OSBPL2: variants seen among roughly 807,000 people sequenced by gnomAD.
OSBPL2 encodes oxysterol binding protein like 2.
OSBPL2 carries 18 observed loss-of-function variants against 58.4 expected under a neutral mutation model. The ratio of observed to expected loss-of-function variants is 0.31; its 90% confidence interval spans 0.21 to 0.46. The LOEUF (loss-of-function observed/expected upper bound fraction) is 0.46. Among genes scored for constraint, OSBPL2 ranks in the 20% least tolerant of loss-of-function variants. The pLI is 1.00. For missense variants in OSBPL2, 461 were observed against 616.5 expected (o/e 0.75, Z 2.67); for synonymous variants, 221 against 234.1 (o/e 0.94, Z 0.51).
intron 1 of OSBPL2, among the ~76,000 whole-genome samples, chr20:62,251,610 G>A (rs976416723): frequency 6.6e-6 from 1 of 151,540 alleles, no homozygotes; most frequent in African/African-American, 2.4e-5. Context: ...GTTTTTCCAT[G>A]TTGGTCAGGC....
chr20:62,270,117 C>T (rs758621308), intron 4 of OSBPL2, among the ~76,000 whole-genome samples: 5 of 152,218 alleles, frequency 3.3e-5, no homozygotes, highest in South Asian at 2.1e-4. Context: ...GTGCACACCC[C>T]GCCCACCCTC....
intron 4 of OSBPL2, among the ~76,000 whole-genome samples, chr20:62,266,344 G>T (rs1981655017): frequency 6.6e-6 from 1 of 152,196 alleles, no homozygotes; most frequent in African/African-American, 2.4e-5. Context: ...TGGAGGCTTT[G>T]GTGGCACTCC....
At chr20:62,275,744 A>G (rs1168683480) in intron 6 of OSBPL2, among the ~76,000 whole-genome samples, 1 of 151,886 alleles carries the variant, frequency 6.6e-6, no homozygotes, top group East Asian at 1.9e-4. Flanking sequence ...CTCTGTGCCC[A>G]GTCCAAGTCA....
intron 6 of OSBPL2, among the ~76,000 whole-genome samples, chr20:62,276,522 C>T (rs948260610): frequency 3.9e-5 from 6 of 152,344 alleles, no homozygotes; most frequent in Non-Finnish European, 5.9e-5. Flanking sequence ...ACATGCTGCC[C>T]GTGCGTGAAT....
At chr20:62,283,944 A>C in intron 9 of OSBPL2, 102 bp from the exon 10 acceptor site, 1 of 1,225,820 alleles carries the variant, frequency 8.2e-7, no homozygotes, top group Non-Finnish European at 1.2e-6. Flanking sequence ...CAAGATGCAT[A>C]AGAAAACATA....
chr20:62,289,180 G>A (rs1983328823), intron 11 of OSBPL2, 27 bp from the exon 12 acceptor site: 2 of 1,612,688 alleles, frequency 1.2e-6, no homozygotes, highest in Non-Finnish European at 1.7e-6. Flanking sequence ...CCCTGCTGAG[G>A]TCGTGTCTCT....
intron 1 of OSBPL2, among the ~76,000 whole-genome samples, chr20:62,249,392 C>A (rs1331130069): frequency 1.3e-5 from 2 of 152,196 alleles, no homozygotes; most frequent in African/African-American, 2.4e-5. Flanking sequence ...TCCTGAAATA[C>A]TCTCTCTGGG....
At chr20:62,252,265 G>GT (rs1301687631) in intron 1 of OSBPL2, among the ~76,000 whole-genome samples, 2 of 152,046 alleles carry the variant, frequency 1.3e-5, no homozygotes, top group Non-Finnish European at 2.9e-5. Context: ...TGTACGATAG[G>GT]TTTTGACACG....
intron 7 of OSBPL2, chr20:62,279,896 C>T: frequency 1.6e-6 from 2 of 1,249,284 alleles, no homozygotes; most frequent in Non-Finnish European, 2.1e-6. Context: ...CCACCCTGTG[C>T]TCATGTGGCA....
intron 3 of OSBPL2, among the ~76,000 whole-genome samples, chr20:62,261,805 GC>G (rs911124027): frequency 6.6e-6 from 1 of 152,086 alleles, no homozygotes; most frequent in African/African-American, 2.4e-5. Context: ...TCACTCTGTC[GC>G]CCAGGCTGGA....
intron 1 of OSBPL2, among the ~76,000 whole-genome samples, chr20:62,239,558 C>T (rs1979579761): frequency 1.3e-5 from 2 of 152,226 alleles, no homozygotes; most frequent in African/African-American, 4.8e-5. Flanking sequence ...TTTGGGATGA[C>T]TGCCCGGAAC....
chr20:62,254,410 G>A (rs1285326361), intron 1 of OSBPL2, among the ~76,000 whole-genome samples: 1 of 152,268 alleles, frequency 6.6e-6, no homozygotes, highest in Non-Finnish European at 1.5e-5. Flanking sequence ...GGACCTGAGT[G>A]AGTGACAGCA....
intron 5 of OSBPL2, 139 bp downstream of exon 5, chr20:62,272,398 G>A (rs1982121801): frequency 9.7e-6 from 9 of 923,134 alleles, no homozygotes; most frequent in Admixed American, 2.8e-5. Context: ...CCTGCCTGGC[G>A]GTCGTGGCAT....
chr20:62,247,861 C>T (rs995123169), intron 1 of OSBPL2, among the ~76,000 whole-genome samples: 7 of 151,984 alleles, frequency 4.6e-5, no homozygotes, highest in Non-Finnish European at 1.0e-4. Flanking sequence ...GATGGAGTTT[C>T]ACCATATTGG....
At chr20:62,241,688 C>T (rs538748460) in intron 1 of OSBPL2, among the ~76,000 whole-genome samples, 18 of 152,322 alleles carry the variant, frequency 1.2e-4, no homozygotes, top group African/African-American at 2.2e-4. Context: ...GCCTGTAAGA[C>T]GGATTACTAT....
Position 62,238,563 on chromosome 20 carries a change from T to G in OSBPL2, c.-163T>G, listed in dbSNP as rs2145904003. 1 of 149,236 alleles carries G rather than the reference T, an allele frequency of 6.7e-6. No individual in the cohort carries two copies. Among genetic ancestry groups the G allele is most frequent in the East Asian group, 2.0e-4 (1 of 5,050 alleles). The allele number at this position is 149,236 out of a possible 1,614,324, so 9.2% of individuals were successfully genotyped here. A position where few individuals can be genotyped will look rare whatever the true frequency, so the allele number is the denominator to read the frequency against. On this transcript the variant is annotated 5_prime_UTR_variant, in exon 1 of 14. Coordinates refer to ENST00000313733, the MANE Select transcript of OSBPL2 (RefSeq NM_144498.4). ...CTACGGGGCGGGGGCGGGGCGGCAG[T>G]GAGCTCGGCCGGCAACCGAGGGACC...
intron 5 of OSBPL2, among the ~76,000 whole-genome samples, chr20:62,272,971 ATGAG>A (rs1982162131): frequency 6.6e-6 from 1 of 152,170 alleles, no homozygotes; most frequent in Non-Finnish European, 1.5e-5. Flanking sequence ...GCCTCTGTGA[ATGAG>A]TGCTTGGGGT....
rs537305661 is a variant in OSBPL2 at position 62,271,188 on chromosome 20, G to A, written c.259-937G>A. Among the ~76,000 whole-genome samples, 12 of 152,138 alleles carry A rather than the reference G, an allele frequency of 7.9e-5. No individual in the cohort carries two copies. In the East Asian group the frequency reaches 1.4e-3, roughly 17 times the overall value. ...CTTGGGATCCCTTTCCTGGAAGCCC[G>A]GTGGGAAGAGTGGCCCCTGTGGGCA... On this transcript the variant is annotated intron_variant, in intron 4 of 13. Transcript: ENST00000313733.
In OSBPL2 at chr20:62,256,198, A is replaced by G. The variant is rs1980910940; in HGVS notation, c.14A>G (p.Glu5Gly). The G allele has an allele frequency of 6.2e-7, 1 of 1,613,978 alleles. No homozygotes were observed. The part of the protein sequence containing the change: MNGE[E>G]EFFDAVTGFD... ...GGCTGCTGAAGGATGAACGGAGAGGAAGAATTCTTTGATGCCGTCACAGGT... is the reference window on the plus strand; with the variant it reads ...GGCTGCTGAAGGATGAACGGAGAGGGAGAATTCTTTGATGCCGTCACAGGT... The change falls in exon 2 of 14, where the codon GAA (glutamate) becomes GGA (glycine). Residue 5 changes from glutamate to glycine, a missense_variant. Transcript: ENST00000313733.
Sources: allele counts gnomAD v4.1 joint callset (sites outside exome capture counted in the v4.1 genomes callset), GRCh38; gene constraint gnomAD v4.1.1; transcripts MANE v1.5; gene names NCBI Gene and HGNC (gene_info 2026-07-23, HGNC 2026-07-21).